SGSM2: variants seen among roughly 807,000 people sequenced by gnomAD.
The protein encoded by SGSM2 is small G protein signaling modulator 2.
In SGSM2, 89 loss-of-function variants were observed where a neutral mutation model predicts 126.6. The ratio of observed to expected loss-of-function variants is 0.70; its 90% confidence interval spans 0.59 to 0.84. The LOEUF (loss-of-function observed/expected upper bound fraction) is 0.84, where lower values mean the gene tolerates loss of function less well. Ranked by LOEUF, SGSM2 falls within the 40% of genes least tolerant of loss-of-function variation. The pLI, the probability that SGSM2 is intolerant of heterozygous loss-of-function variation, is 0.00. For missense variants in SGSM2, 1,404 were observed against 1,416.6 expected (o/e 0.99, Z 0.14); for synonymous variants, 614 against 574.3 (o/e 1.07, Z -0.99).
At chr17:2,346,165 G>T (rs530730405) in intron 2 of SGSM2, among the ~76,000 whole-genome samples, 1 of 152,164 alleles carries the variant, frequency 6.6e-6, no homozygotes, top group Non-Finnish European at 1.5e-5. Context: ...CAGCTTTGTT[G>T]TGGGAGAAAT....
intron 17 of SGSM2, chr17:2,373,989 C>T (rs918952368): frequency 1.9e-5 from 3 of 161,964 alleles, no homozygotes; most frequent in African/African-American, 4.8e-5. Flanking sequence ...TAGAGCAGCC[C>T]CATTGGTGTC....
At chr17:2,344,933 G>A (rs1483397279) in intron 2 of SGSM2, among the ~76,000 whole-genome samples, 2 of 152,192 alleles carry the variant, frequency 1.3e-5, no homozygotes, top group South Asian at 2.1e-4. Context: ...TCGTAGCATT[G>A]TAAGCACTCA....
chr17:2,367,390 C>T lies in SGSM2; in HGVS notation c.1408C>T (p.Pro470Ser). ...GATCTGCTCGCGGAACCTCACAGCT[C>T]CCAATCCGATGAAAGGTTCTTATCC... ...SMICSRNLTAPNPMKDAGDMI... is the reference protein window; with the variant it reads ...SMICSRNLTASNPMKDAGDMI... Residue 470 changes from proline to serine, a missense_variant, in exon 12 of 24, where the codon CCC becomes TCC. By Grantham distance (74) the Pro-to-Ser change is moderately conservative. Transcript: ENST00000268989. This position sits in a 1 kb window ranked among gnomAD's most constrained non-coding sequence, Gnocchi z 4.0. The T allele has an allele frequency of 1.9e-6, 3 of 1,613,958 alleles. No individual in the cohort carries two copies. The highest frequency in any genetic ancestry group is 2.5e-6 in the Non-Finnish European group (3 of 1,179,942).
chr17:2,370,211 G>C (rs964265622), intron 12 of SGSM2, among the ~76,000 whole-genome samples: 2 of 152,208 alleles, frequency 1.3e-5, no homozygotes, highest in Non-Finnish European at 2.9e-5. Context: ...CTGTTCTTCC[G>C]AACTCTTCTC....
chr17:2,379,119 A>G lies in SGSM2; in HGVS notation c.2983A>G (p.Ile995Val). The G allele has an allele frequency of 6.2e-7, 1 of 1,614,204 alleles. No individual in the cohort carries two copies. Among genetic ancestry groups the G allele is most frequent in the Non-Finnish European group, 8.5e-7 (1 of 1,180,026 alleles). The change falls in exon 23 of 24, where the codon ATC becomes GTC. Residue 995 changes from isoleucine to valine, a missense_variant. By Grantham distance (29) the Ile-to-Val change is conservative. Coordinates refer to ENST00000268989, the MANE Select transcript of SGSM2 (RefSeq NM_014853.3). ...HISSEHFVLF[I>V]ALALVEAYRE... ...CTCATCGGAGCACTTTGTCCTGTTCATCGCCCTCGCCCTGGTGGAGGCCTA... is the reference window on the plus strand; with the variant it reads ...CTCATCGGAGCACTTTGTCCTGTTCGTCGCCCTCGCCCTGGTGGAGGCCTA...
At chr17:2,353,069 G>T (rs1207336143) in intron 2 of SGSM2, among the ~76,000 whole-genome samples, 1 of 151,900 alleles carries the variant, frequency 6.6e-6, no homozygotes, top group African/African-American at 2.4e-5. Flanking sequence ...GAGCCACCGC[G>T]CCCGGCCCAC....
At chr17:2,345,331 G>A (rs1034794683) in intron 2 of SGSM2, among the ~76,000 whole-genome samples, 3 of 151,388 alleles carry the variant, frequency 2.0e-5, no homozygotes, top group South Asian at 2.1e-4. Context: ...GCGTGGTGGC[G>A]GGCGCCTGTA....
rs2066360952 is a variant in SGSM2 at position 2,380,313 on chromosome 17, T to C, written c.*793T>C. 2 of 1,535,550 alleles carry C rather than the reference T, an allele frequency of 1.3e-6. No homozygotes were observed. The highest frequency in any genetic ancestry group is 1.4e-5 in the African/African-American group (1 of 73,052). On this transcript the variant is annotated 3_prime_UTR_variant, in exon 24 of 24. Coordinates refer to ENST00000268989, the MANE Select transcript of SGSM2 (RefSeq NM_014853.3). ...AAGAAGTGATGCTTTTGCCAGTGGA[T>C]GATCTGGAATGCGACCGGAGCACTT...
At position 2,379,973 on chromosome 17, in the gene SGSM2, T is replaced by C. The variant is rs2066344059; in HGVS notation, c.*453T>C. 2.0e-5 allele frequency: 28 copies of C among 1,366,698 alleles called. No homozygotes were observed. The highest frequency in any genetic ancestry group is 2.5e-5 in the Non-Finnish European group (26 of 1,060,466). The allele number at this position is 1,366,698 out of a possible 1,614,324, so 84.7% of individuals were successfully genotyped here. On this transcript the variant is annotated 3_prime_UTR_variant, in exon 24 of 24. Coordinates refer to ENST00000268989, the MANE Select transcript of SGSM2 (RefSeq NM_014853.3). The stretch of plus-strand genomic sequence containing the variant: ...GGGTCCCTTTGCAGTCCCAGTATAT[T>C]GTGCGTGCACCAGCCCCAGCTGGAG...
chr17:2,342,743 CGG>C (rs1491278958), intron 1 of SGSM2, among the ~76,000 whole-genome samples: 1 of 126,624 alleles, frequency 7.9e-6, no homozygotes, highest in African/African-American at 2.8e-5. Context: ...TTTGGGAGGC[CGG>C]GCGGGTGGAT....
chr17:2,377,967 TG>T lies in SGSM2; in HGVS notation c.2899+16del. The T allele has an allele frequency of 1.3e-6, 2 of 1,535,336 alleles. 1 individual carries two copies. ...ATTTTAAGAGAGGTAAGAAGTGGGT[TG>T]GATCATGGGGCTGAGGTCAGGGACA... On this transcript the variant is annotated intron_variant, in intron 22 of 23. Transcript: ENST00000268989.
At position 2,377,094 on chromosome 17, in the gene SGSM2, A is replaced by T. The variant is rs376301569; in HGVS notation, c.2802+26A>T. 6.0e-6 allele frequency: 9 copies of T among 1,498,596 alleles called. No homozygotes were observed. In the East Asian group the frequency reaches 1.1e-4, roughly 19 times the overall value. The allele number at this position is 1,498,596 out of a possible 1,614,324, so 92.8% of individuals were successfully genotyped here. ...GTGAGGCCGGTTGCCACCCATGGGC[A>T]TGGGAGCAGGCAGTGCTGGGCTGGT... On this transcript the variant is annotated intron_variant, in intron 21 of 23. Transcript: ENST00000268989.
chr17:2,357,758 A>G (rs1240907953), intron 2 of SGSM2, among the ~76,000 whole-genome samples: 1 of 152,116 alleles, frequency 6.6e-6, no homozygotes, highest in Non-Finnish European at 1.5e-5. Context: ...TCGCCTCCCA[A>G]AGTGCTGGGA....
intron 2 of SGSM2, among the ~76,000 whole-genome samples, chr17:2,353,958 G>C (rs1294381040): frequency 6.6e-6 from 1 of 151,050 alleles, no homozygotes; most frequent in Non-Finnish European, 1.5e-5. Context: ...ACCCAGGCTG[G>C]AGTGCAATGG....
chr17:2,358,474 C>T (rs2065170788), intron 2 of SGSM2, among the ~76,000 whole-genome samples: 1 of 152,172 alleles, frequency 6.6e-6, no homozygotes, highest in Non-Finnish European at 1.5e-5. Flanking sequence ...CTTTGGAAGG[C>T]TGAGGTGGAA....
chr17:2,378,908 A>G (rs1567854782), intron 22 of SGSM2, 128 bp from the exon 23 acceptor site: 5 of 1,155,722 alleles, frequency 4.3e-6, no homozygotes, highest in Non-Finnish European at 6.1e-6. Context: ...TCCGGCCAGC[A>G]TCAGCCCCAG....
In SGSM2 at chr17:2,372,760, G is replaced by A; in HGVS notation, c.1789-193G>A. 1.2e-6 allele frequency: 1 copy of A among 850,740 alleles called. No homozygotes were observed. Among genetic ancestry groups the A allele is most frequent in the Non-Finnish European group, 1.8e-6 (1 of 560,786 alleles). 52.7% of individuals were successfully genotyped at this position (850,740 alleles called of 1,614,324 possible). The stretch of plus-strand genomic sequence containing the variant: ...CGCCATTTCCTGCCCCTTAAGGAAG[G>A]AGAGCAGAACGAGATCTCATCCCAC... On this transcript the variant is annotated intron_variant, in intron 15 of 23. Coordinates refer to ENST00000268989, the MANE Select transcript of SGSM2 (RefSeq NM_014853.3). The surrounding 1 kb of genome is among the most constrained non-coding windows in gnomAD (Gnocchi z 6.0).
At chr17:2,375,399 T>C in intron 17 of SGSM2, 93 bp from the exon 18 acceptor site, 1 of 1,470,466 alleles carries the variant, frequency 6.8e-7, no homozygotes, top group Non-Finnish European at 9.1e-7. Context: ...GTGTGAAGAG[T>C]TTTGCATTCC....
intron 1 of SGSM2, among the ~76,000 whole-genome samples, 189 bp from the exon 2 acceptor site, chr17:2,343,356 C>A (rs1352355118): frequency 6.6e-6 from 1 of 152,144 alleles, no homozygotes; most frequent in Non-Finnish European, 1.5e-5. Context: ...CCCTGGTTTC[C>A]CCTCCAAAAG....
Sources: allele counts gnomAD v4.1 joint callset (sites outside exome capture counted in the v4.1 genomes callset), GRCh38; gene constraint gnomAD v4.1.1; non-coding constraint Gnocchi (gnomAD v3.1); transcripts MANE v1.5; gene names NCBI Gene and HGNC (gene_info 2026-07-23, HGNC 2026-07-21).